Variants in KDM4A observed in about 807,000 individuals in gnomAD.
KDM4A encodes the protein lysine demethylase 4A.
In KDM4A, 23 loss-of-function variants were observed where a neutral mutation model predicts 127.1. That is an observed-to-expected ratio of 0.18 (90% confidence interval 0.13 to 0.26). KDM4A has a LOEUF of 0.26. KDM4A is among the 10% of genes least tolerant of loss of function. KDM4A has a pLI of 1.00. For synonymous variants in KDM4A, 443 were observed against 466.5 expected, an observed-to-expected ratio of 0.95 and a Z score of 0.65; for missense variants, 890 against 1,329.1, an observed-to-expected ratio of 0.67 and a Z score of 5.14.
intron 7 of KDM4A, among the ~76,000 whole-genome samples, 174 bp from the exon 8 acceptor site, chr1:43,666,780 T>C (rs569679597): frequency 6.6e-6 from 1 of 152,290 alleles, no homozygotes; most frequent in African/African-American, 2.4e-5. Flanking sequence ...AATGGTTAAT[T>C]ATAGTCATGT....
chr1:43,704,221 C>G lies in KDM4A; in HGVS notation c.3055-9C>G, dbSNP rs1217311210. 1.2e-6 allele frequency: 2 copies of G among 1,613,774 alleles called. No individual in the cohort carries two copies. Among genetic ancestry groups the G allele is most frequent in the African/African-American group, 2.7e-5 (2 of 74,868 alleles). On this transcript the variant is annotated splice_polypyrimidine_tract_variant and intron_variant, in intron 21 of 21. Coordinates refer to ENST00000372396, the MANE Select transcript of KDM4A (RefSeq NM_014663.3). ...GTAGCTGACACTTGGCTTGCTTATT[C>G]TTCTATAGTCAGTAGCCTCAGACAT... is the stretch of plus-strand genomic sequence containing the variant.
intron 2 of KDM4A, among the ~76,000 whole-genome samples, chr1:43,654,185 A>T (rs1318712387): frequency 2.0e-5 from 3 of 152,194 alleles, no homozygotes; most frequent in Non-Finnish European, 4.4e-5. Context: ...TTTTCATAGC[A>T]CATTGCTTTT....
rs908367118 is a variant in KDM4A at position 43,691,628 on chromosome 1, G to C, written c.2319+56G>C. On this transcript the variant is annotated intron_variant, in intron 15 of 21. Transcript: ENST00000372396. The stretch of plus-strand genomic sequence containing the variant: ...CCATGAGTCTTGGTGCATATTCAGG[G>C]CCAGACGATTTCATGTTGGACTCAG... 11 of 1,464,538 alleles carry C rather than the reference G, an allele frequency of 7.5e-6. No homozygotes were observed. The African/African-American group carries it at 1.4e-4, about 19-fold the overall frequency. 90.7% of individuals were successfully genotyped at this position (1,464,538 alleles called of 1,614,324 possible).
At chr1:43,652,630 T>G (rs1660139358) in intron 1 of KDM4A, among the ~76,000 whole-genome samples, 2 of 151,778 alleles carry the variant, frequency 1.3e-5, no homozygotes, top group South Asian at 4.2e-4. Context: ...ATTACAGGCT[T>G]GAGCCACCAC....
chr1:43,671,658 A>T lies in KDM4A; in HGVS notation c.1517A>T (p.Lys506Met). 1 of 1,612,588 alleles carries T rather than the reference A, an allele frequency of 6.2e-7. No homozygotes were observed. The highest frequency in any genetic ancestry group is 2.2e-5 in the East Asian group (1 of 44,872). Residue 506 changes from lysine to methionine, a missense_variant, in exon 11 of 22, where the codon AAG (lysine) becomes ATG (methionine). Lys to Met is a moderately conservative substitution (Grantham distance 95). Around this residue, in one of 7 missense-constraint regions of KDM4A, gnomAD observed 389 missense variants for 485.9 expected, o/e 0.80. Coordinates refer to ENST00000372396, the MANE Select transcript of KDM4A (RefSeq NM_014663.3). ...CGCCTTGTCTTCTCAGGCTCCAAAA[A>T]GAAATCATCTTCTAGCCTGGGCTCT... ...GGRLVFSGSKKKSSSSLGSGS... is the reference protein window; with the variant it reads ...GGRLVFSGSKMKSSSSLGSGS...
At chr1:43,655,053 G>C (rs1420909973) in intron 2 of KDM4A, among the ~76,000 whole-genome samples, 1 of 152,132 alleles carries the variant, frequency 6.6e-6, no homozygotes, top group African/African-American at 2.4e-5. Flanking sequence ...GTTTCACCAT[G>C]TTGGCCAAGC....
chr1:43,676,088 TAAAA>T (rs533210766), intron 11 of KDM4A, among the ~76,000 whole-genome samples: 144 of 91,208 alleles, frequency 1.6e-3, no homozygotes, highest in African/African-American at 6.0e-3. Flanking sequence ...CTCAAAAAGA[TAAAA>T]AAAAAAAAAA....
rs759399492 is a variant in KDM4A, at chr1:43,671,842, C to T, written c.1701C>T (p.Ala567=). The T allele has an allele frequency of 1.2e-5, 19 of 1,581,966 alleles. No individual in the cohort carries two copies. The highest frequency in any genetic ancestry group is 4.5e-5 in the East Asian group (2 of 44,430). ...CATGCACGAGGAAGAAAGGAAGCGCCGCTAGAAGTTTCAGTGAGCGGGAGC... is the reference window on the plus strand; with the variant it reads ...CATGCACGAGGAAGAAAGGAAGCGCTGCTAGAAGTTTCAGTGAGCGGGAGC... ...GEPCTRKKGS[A]ARSFSERELA... Residue 567 remains alanine, a synonymous_variant, in exon 11 of 22, where the codon GCC becomes GCT. Transcript: ENST00000372396.
chr1:43,660,151 A>T, intron 3 of KDM4A, 147 bp from the exon 4 acceptor site: 2 of 803,918 alleles, frequency 2.5e-6, no homozygotes, highest in Non-Finnish European at 4.0e-6. Context: ...GGGACTGACT[A>T]CGTATTAGAG....
intron 9 of KDM4A, 87 bp from the exon 10 acceptor site, chr1:43,669,013 T>C (rs993503305): frequency 7.2e-7 from 1 of 1,397,482 alleles, no homozygotes; most frequent in African/African-American, 1.4e-5. Flanking sequence ...GGCCATTCAC[T>C]TTGGGTTGTG....
Position 43,666,958 on chromosome 1 carries a change from C to T in KDM4A, c.782C>T (p.Thr261Ile). Residue 261 changes from threonine to isoleucine, a missense_variant, in exon 8 of 22, where the codon ACT becomes ATT. Around this residue, in one of 7 missense-constraint regions of KDM4A, gnomAD observed 141 missense variants for 273.5 expected, o/e 0.52. Transcript: ENST00000372396. ...TTCAAGTCTGCTCTTGTTCAGGTGACTCAAGAGGCTGGAGAGTTTATGATC... is the reference window on the plus strand; with the variant it reads ...TTCAAGTCTGCTCTTGTTCAGGTGATTCAAGAGGCTGGAGAGTTTATGATC... Reference protein sequence around the residue: ...KKYGIPFDKVTQEAGEFMITF... With the variant: ...KKYGIPFDKVIQEAGEFMITF... The T allele has an allele frequency of 6.2e-7, 1 of 1,613,910 alleles. No homozygotes were observed. Among genetic ancestry groups the T allele is most frequent in the Non-Finnish European group, 8.5e-7 (1 of 1,179,830 alleles).
intron 11 of KDM4A, among the ~76,000 whole-genome samples, chr1:43,681,618 C>T (rs888889384): frequency 2.6e-5 from 4 of 152,176 alleles, no homozygotes; most frequent in East Asian, 1.9e-4. Context: ...AAATCCCCAC[C>T]GTTTCTGGCT....
rs1340339970 is a variant in KDM4A, at chr1:43,688,022, T to G, written c.1856-892T>G. Among the ~76,000 whole-genome samples the G allele has an allele frequency of 2.0e-5, 3 of 151,998 alleles. No individual in the cohort carries two copies. Among genetic ancestry groups the G allele is most frequent in the Non-Finnish European group, 2.9e-5 (2 of 67,974 alleles). ...ATTGGTCTCTGTGGTTGTCACTGTTTTTTTTTTTTAAGCCCCAATGCTGAA... is the reference window on the plus strand; with the variant it reads ...ATTGGTCTCTGTGGTTGTCACTGTTGTTTTTTTTTAAGCCCCAATGCTGAA... On this transcript the variant is annotated intron_variant, in intron 12 of 21. Coordinates refer to ENST00000372396, the MANE Select transcript of KDM4A (RefSeq NM_014663.3). This position sits in a 1 kb window ranked among gnomAD's most constrained non-coding sequence, Gnocchi z 4.4.
At chr1:43,664,050 C>A (rs893325390) in intron 5 of KDM4A, among the ~76,000 whole-genome samples, 1 of 152,158 alleles carries the variant, frequency 6.6e-6, no homozygotes, top group Non-Finnish European at 1.5e-5. Context: ...AGAGAATGCT[C>A]ATACGGTGTG....
In KDM4A at chr1:43,653,150, T is replaced by G. The variant is rs1262108317; in HGVS notation, c.-26T>G. On this transcript the variant is annotated 5_prime_UTR_variant, in exon 2 of 22. Transcript: ENST00000372396. The stretch of plus-strand genomic sequence containing the variant: ...GTGTTTCTTCAGATTCCTGTCTGAC[T>G]AAAGGGACCTCAAAAAGGAGGGAAA... The G allele has an allele frequency of 1.2e-6, 2 of 1,601,500 alleles. No individual in the cohort carries two copies. The highest frequency in any genetic ancestry group is 1.7e-6 in the Non-Finnish European group (2 of 1,172,912).
intron 11 of KDM4A, among the ~76,000 whole-genome samples, chr1:43,682,579 G>A (rs1018969270): frequency 5.9e-5 from 9 of 152,294 alleles, no homozygotes; most frequent in South Asian, 4.1e-4. Flanking sequence ...TTCTTTTCCT[G>A]GGCAGGCCTT....
In KDM4A at chr1:43,672,631, A is replaced by C. The variant is rs1254203887; in HGVS notation, c.1734+756A>C. ...TGCCTCAGCCTCCCGAGTAGCTGGGACTACAGGCGCCCACCACCACGCCCA... is the reference window on the plus strand; with the variant it reads ...TGCCTCAGCCTCCCGAGTAGCTGGGCCTACAGGCGCCCACCACCACGCCCA... On this transcript the variant is annotated intron_variant, in intron 11 of 21. Transcript: ENST00000372396. Among the ~76,000 whole-genome samples, 2 of 151,968 alleles carry C rather than the reference A, an allele frequency of 1.3e-5. 1 individual carries two copies. The highest frequency in any genetic ancestry group is 4.2e-4 in the South Asian group (2 of 4,810).
Position 43,704,680 on chromosome 1 carries a change from C to G in KDM4A, c.*310C>G, listed in dbSNP as rs1324312158. The G allele has an allele frequency of 8.2e-6, 3 of 366,058 alleles. No individual in the cohort carries two copies. Among genetic ancestry groups the G allele is most frequent in the African/African-American group, 6.3e-5 (3 of 47,392 alleles). 22.7% of individuals were successfully genotyped at this position (366,058 alleles called of 1,614,324 possible). ...TGCTGGCTGGACTGGCTGCCTTGTT[C>G]CTGGCCTAGGACTTAGCTTCATAAC... On this transcript the variant is annotated 3_prime_UTR_variant, in exon 22 of 22. Coordinates refer to ENST00000372396, the MANE Select transcript of KDM4A (RefSeq NM_014663.3).
intron 4 of KDM4A, 86 bp downstream of exon 4, chr1:43,660,498 A>G: frequency 6.6e-7 from 1 of 1,507,938 alleles, no homozygotes; most frequent in Non-Finnish European, 8.9e-7. Context: ...AGGCACCTAA[A>G]AGCTGTTTGG....
Sources: gnomAD v4.1 joint callset for allele counts (sites outside exome capture counted in the v4.1 genomes callset) on GRCh38, gnomAD v4.1.1 for gene constraint, gnomAD v4.1.1 regional missense constraint, Gnocchi (gnomAD v3.1) non-coding constraint, MANE v1.5 for transcripts, NCBI Gene and HGNC (gene_info 2026-07-23, HGNC 2026-07-21) for gene names.